Variants in ZSCAN32 observed in about 807,000 individuals in gnomAD.
The protein encoded by ZSCAN32 is zinc finger and SCAN domain-containing protein 32.
In ZSCAN32, 52 loss-of-function variants were observed where a neutral mutation model predicts 47.4. The observed-to-expected ratio is 1.10, with a 90% CI of 0.88 to 1.38. The LOEUF (loss-of-function observed/expected upper bound fraction) is 1.38, where lower values mean the gene tolerates loss of function less well. ZSCAN32 is among the 40% of genes most tolerant of loss of function. The probability of loss-of-function intolerance (pLI) is 0.00; values close to 1 mark genes in which losing one functional copy is unlikely to be tolerated. For missense variants in ZSCAN32, 959 were observed against 846.0 expected, an observed-to-expected ratio of 1.13 and a Z score of -1.66; for synonymous variants, 346 against 305.7, an observed-to-expected ratio of 1.13 and a Z score of -1.38.
chr16:3,396,641 A>C (rs2033392024), intron 2 of ZSCAN32, among the ~76,000 whole-genome samples: 1 of 151,468 alleles, frequency 6.6e-6, no homozygotes, highest in South Asian at 2.1e-4. Context: ...TGCCTTTCCC[A>C]CCTCCCTGCT....
chr16:3,389,956 T>C (rs1001736835), intron 5 of ZSCAN32, 54 bp downstream of exon 5: 6 of 1,520,740 alleles, frequency 3.9e-6, no homozygotes, highest in Non-Finnish European at 5.3e-6. Flanking sequence ...CCTTTCAGCC[T>C]CTCTGAACAA....
chr16:3,400,559 T>A (rs564370618), intron 1 of ZSCAN32, among the ~76,000 whole-genome samples: 1 of 152,196 alleles, frequency 6.6e-6, no homozygotes, highest in East Asian at 1.9e-4. Flanking sequence ...CGGAAAAAAA[T>A]GTAGCATGAG....
chr16:3,386,219 T>G (rs1350746080), intron 5 of ZSCAN32, among the ~76,000 whole-genome samples: 1 of 152,096 alleles, frequency 6.6e-6, no homozygotes, highest in African/African-American at 2.4e-5. Flanking sequence ...ATCAGAGAAA[T>G]GCAAATCAAA....
chr16:3,398,464 C>T (rs1187437795), intron 1 of ZSCAN32, among the ~76,000 whole-genome samples: 1 of 152,216 alleles, frequency 6.6e-6, no homozygotes, highest in African/African-American at 2.4e-5. Context: ...AGTAATAAAA[C>T]TTTAGTCTCC....
In ZSCAN32 at chr16:3,384,843, T is replaced by G. The variant is rs776988955; in HGVS notation, c.850A>C (p.Ser284Arg). The change falls in exon 6 of 7, where the codon AGC becomes CGC. Residue 284 changes from serine (S) to arginine (R), a missense_variant. Ser to Arg is a moderately radical substitution (Grantham distance 110, BLOSUM62 -1). Coordinates refer to ENST00000396852, the MANE Select transcript of ZSCAN32 (RefSeq NM_001284527.2). ...YGKLQTCQQN[S>R]QIYRAMAEGL... ...TCCGCCATGGCCCTGTAGATCTGGC[T>G]GTTCTGCTGACAGGTCTGGAGTTTT... The G allele has an allele frequency of 2.0e-5, 32 of 1,614,072 alleles. No individual in the cohort carries two copies. The highest frequency in any genetic ancestry group is 2.7e-5 in the Non-Finnish European group (32 of 1,180,026).
At chr16:3,387,659 T>C (rs2032177308) in intron 5 of ZSCAN32, among the ~76,000 whole-genome samples, 1 of 152,216 alleles carries the variant, frequency 6.6e-6, no homozygotes, top group African/African-American at 2.4e-5. Flanking sequence ...ACCTCATGCC[T>C]GGATCACTGC....
rs1283085318 is a variant in ZSCAN32 at position 3,383,071 on chromosome 16, G to A, written c.1875C>T (p.Arg625=). 6.2e-7 allele frequency: 1 copy of A among 1,614,074 alleles called. No individual in the cohort carries two copies. Among genetic ancestry groups the A allele is most frequent in the Admixed American group, 1.7e-5 (1 of 60,012 alleles). ...NNSSQFSAHR[R]IHTGESPYKC... ...TGTATGGGCTCTCCCCAGTGTGGAT[G>A]CGCCGGTGAGCACTGAACTGGGAAC... The change falls in exon 7 of 7, where the codon CGC becomes CGT. Residue 625 remains arginine, a synonymous_variant. Transcript: ENST00000396852.
At chr16:3,398,280 T>C (rs1216863542) in intron 1 of ZSCAN32, among the ~76,000 whole-genome samples, 1 of 152,166 alleles carries the variant, frequency 6.6e-6, no homozygotes. Context: ...GACAACCAGA[T>C]GGCTCCACCT....
chr16:3,383,789 T>C (rs2031575482), intron 6 of ZSCAN32, 78 bp from the exon 7 acceptor site: 1 of 1,370,374 alleles, frequency 7.3e-7, no homozygotes. Context: ...ATAACTATAC[T>C]ACGTAGAAGA....
In ZSCAN32 at chr16:3,390,116, G is replaced by T. The variant is rs752826162; in HGVS notation, c.645C>A (p.Asp215Glu). ...TAGSQGPAMRDNRAVSLCQQE... is the reference protein window; with the variant it reads ...TAGSQGPAMRENRAVSLCQQE... ...GCTGACAGAGGGATACAGCTCTGTT[G>T]TCACGCATGGCTGGTCCCTGTAACA... The change falls in exon 5 of 7, where the codon GAC becomes GAA. Residue 215 changes from aspartate to glutamate, a missense_variant. By Grantham distance (45) the Asp-to-Glu change is conservative (BLOSUM62 2). Transcript: ENST00000396852. The T allele has an allele frequency of 3.7e-6, 6 of 1,612,494 alleles. 1 individual carries two copies. The South Asian group carries it at 6.6e-5, about 18-fold the overall frequency.
intron 2 of ZSCAN32, 81 bp from the exon 3 acceptor site, chr16:3,393,895 A>C: frequency 7.9e-7 from 1 of 1,259,248 alleles, no homozygotes; most frequent in Non-Finnish European, 1.1e-6. Context: ...GCATTAAAAA[A>C]TGTGTAACAT....
At position 3,397,567 on chromosome 16, in the gene ZSCAN32, C is replaced by T. The variant is rs145419494; in HGVS notation, c.-10G>A. 119 of 1,521,910 alleles carry T rather than the reference C, an allele frequency of 7.8e-5. 2 individuals carry two copies. The South Asian group carries it at 1.3e-3, about 17-fold the overall frequency. 94.3% of individuals were successfully genotyped at this position (1,521,910 alleles called of 1,614,324 possible). A position where few individuals can be genotyped will look rare whatever the true frequency, so the allele number is the denominator to read the frequency against. ...TCACTGCAGCCATCATTTGCTTCAA[C>T]GAACTGGCTTACTCTGGTTGCCACT... is the stretch of plus-strand genomic sequence containing the variant. On this transcript the variant is annotated 5_prime_UTR_variant, in exon 2 of 7. Transcript: ENST00000396852.
chr16:3,389,823 A>G (rs753566714), intron 5 of ZSCAN32, among the ~76,000 whole-genome samples, 187 bp downstream of exon 5: 1 of 152,072 alleles, frequency 6.6e-6, no homozygotes, highest in Admixed American at 6.5e-5. Flanking sequence ...CCGGTCACAC[A>G]TGCTGCCCCT....
rs1344794722 is a variant in ZSCAN32 at position 3,397,421 on chromosome 16, T to A, written c.137A>T (p.Gln46Leu). The A allele has an allele frequency of 6.4e-7, 1 of 1,552,060 alleles. No homozygotes were observed. The highest frequency in any genetic ancestry group is 1.2e-5 in the South Asian group (1 of 84,152). The change falls in exon 2 of 7, where the codon CAG becomes CTG. Residue 46 changes from glutamine to leucine, a missense_variant. Transcript: ENST00000396852. ...SRQRFRQFCYQEVTGPHEAFS... is the reference protein window; with the variant it reads ...SRQRFRQFCYLEVTGPHEAFS... ...AGCTTCATGTGGGCCAGTTACCTCC[T>A]GGTAGCAAAACTGCCTGAAGCGCTG...
rs765274928 is a variant in ZSCAN32 at position 3,397,344 on chromosome 16, A to G, written c.214T>C (p.Ser72Pro). The G allele has an allele frequency of 6.4e-7, 1 of 1,561,640 alleles. No homozygotes were observed. The highest frequency in any genetic ancestry group is 8.7e-7 in the Non-Finnish European group (1 of 1,153,178). Residue 72 changes from serine (S) to proline (P), a missense_variant, in exon 2 of 7, where the codon TCA (serine) becomes CCA (proline). Physicochemically the swap from Ser to Pro is moderately conservative, Grantham distance 74 (BLOSUM62 -1). Coordinates refer to ENST00000396852, the MANE Select transcript of ZSCAN32 (RefSeq NM_001284527.2). ...CCQWLRPKTH[S>P]KEEILELLVL... ...AGCAGCTCCAGGATTTCCTCTTTTG[A>G]GTGGGTCTTCGGCCTCAGCCACTGA...
intron 1 of ZSCAN32, among the ~76,000 whole-genome samples, chr16:3,399,721 C>T (rs940556145): frequency 3.3e-5 from 5 of 152,006 alleles, no homozygotes; most frequent in Admixed American, 2.6e-4. Context: ...GTTAGGATTA[C>T]AAGTATAAGC....
Position 3,383,416 on chromosome 16 carries a change from G to T in ZSCAN32, c.1530C>A (p.Pro510=). 6.2e-7 allele frequency: 1 copy of T among 1,614,150 alleles called. No individual in the cohort carries two copies. The highest frequency in any genetic ancestry group is 1.1e-5 in the South Asian group (1 of 91,084). The change falls in exon 7 of 7, where the codon CCC becomes CCA. Residue 510 remains proline (P), a synonymous_variant. Coordinates refer to ENST00000396852, the MANE Select transcript of ZSCAN32 (RefSeq NM_001284527.2). ...TTTCCAGTTTGAGCGCTGGCTTGTG[G>T]GGAGAGTGCACACTCTGAGAGCAGT... The part of the protein sequence containing the change: ...GKNCSQSVHS[P]HKPALKLEKV...
At chr16:3,399,993 G>A (rs2033736698) in intron 1 of ZSCAN32, among the ~76,000 whole-genome samples, 1 of 152,144 alleles carries the variant, frequency 6.6e-6, no homozygotes. Flanking sequence ...TTCTCCAGGG[G>A]CTGATACACC....
intron 1 of ZSCAN32, among the ~76,000 whole-genome samples, chr16:3,397,968 C>G (rs991594751): frequency 1.3e-5 from 2 of 152,214 alleles, no homozygotes; most frequent in Non-Finnish European, 1.5e-5. Context: ...CCAACTCCAT[C>G]TTGCTTTTAA....
Sources: gnomAD v4.1 joint callset for allele counts (sites outside exome capture counted in the v4.1 genomes callset) on GRCh38, gnomAD v4.1.1 for gene constraint, MANE v1.5 for transcripts, NCBI Gene and HGNC (gene_info 2026-07-23, HGNC 2026-07-21) for gene names.